Variants in ST18 observed in about 807,000 individuals in gnomAD.
ST18 encodes suppression of tumorigenicity 18 protein.
Under a neutral mutation model 110.0 loss-of-function variants are expected in ST18, and 50 were observed. The ratio of observed to expected loss-of-function variants is 0.45; its 90% CI spans 0.36 to 0.58. The LOEUF is 0.58. ST18 is among the 20% of genes least tolerant of loss of function. ST18 has a pLI of 0.00. For missense variants in ST18, 1,306 were observed against 1,280.1 expected (o/e 1.02, Z -0.31); for synonymous variants, 461 against 452.4 (o/e 1.02, Z -0.24).
In ST18 at chr8:52,247,968, C is replaced by G. The variant is rs181198385; in HGVS notation, c.-464-17891G>C. ...AACAATACTTAGAGTTGGTAATATA[C>G]AACATACATTACATTCTCTACAGAC... On this transcript the variant is annotated intron_variant, in intron 2 of 25. Transcript: ENST00000689386. Among the ~76,000 whole-genome samples the G allele has an allele frequency of 9.2e-5, 14 of 152,140 alleles. 1 individual carries two copies. The East Asian group carries it at 2.7e-3, about 29-fold the overall frequency.
In ST18 at chr8:52,121,183, C is replaced by A. The variant is rs934928343; in HGVS notation, c.2756-2742G>T. On this transcript the variant is annotated intron_variant, in intron 23 of 25. Coordinates refer to ENST00000689386, the MANE Select transcript of ST18 (RefSeq NM_001352837.2). ...TGAGGGCCAATGTTCCTGAAGACACCCCAGCCTCTTAATCAAGATGGGGCT... is the reference window on the plus strand; with the variant it reads ...TGAGGGCCAATGTTCCTGAAGACACACCAGCCTCTTAATCAAGATGGGGCT... Among the ~76,000 whole-genome samples the A allele has an allele frequency of 9.9e-5, 15 of 152,040 alleles. No homozygotes were observed. In the East Asian group the frequency reaches 2.9e-3, roughly 29 times the overall value.
At chr8:52,283,350 G>A (rs16917626) in intron 2 of ST18, among the ~76,000 whole-genome samples, 1,908 of 152,298 alleles carry the variant, frequency 0.013, 29 homozygotes, top group African/African-American at 0.044. Context: ...GTGAGCATTG[G>A]CAGCACAGCG....
chr8:52,208,872 CCTGT>C (rs2081135988), intron 8 of ST18, among the ~76,000 whole-genome samples: 1 of 151,978 alleles, frequency 6.6e-6, no homozygotes, highest in African/African-American at 2.4e-5. Flanking sequence ...TGGGACCTTG[CCTGT>C]CTAAGCATGG....
chr8:52,313,884 G>A (rs2095972234), intron 2 of ST18, among the ~76,000 whole-genome samples: 1 of 152,202 alleles, frequency 6.6e-6, no homozygotes, highest in South Asian at 2.1e-4. Flanking sequence ...GGATCCCAGA[G>A]GTGCTGCTCC....
chr8:52,279,168 A>T (rs1456136021), intron 2 of ST18, among the ~76,000 whole-genome samples: 2 of 152,198 alleles, frequency 1.3e-5, no homozygotes, highest in Non-Finnish European at 2.9e-5. Context: ...AGTTAAAGCA[A>T]TCAATGAACA....
intron 16 of ST18, among the ~76,000 whole-genome samples, chr8:52,148,047 G>A (rs1189543754): frequency 2.0e-5 from 3 of 152,154 alleles, no homozygotes; most frequent in Non-Finnish European, 2.9e-5. Context: ...ATAATTAGGT[G>A]TAACCTCTGT....
intron 15 of ST18, among the ~76,000 whole-genome samples, chr8:52,158,356 T>C (rs372735982): frequency 1.2e-4 from 18 of 152,240 alleles, no homozygotes; most frequent in Non-Finnish European, 2.4e-4. Flanking sequence ...GTTGATTTAA[T>C]GTATTCATGT....
intron 2 of ST18, among the ~76,000 whole-genome samples, chr8:52,292,254 AGT>A (rs1381715049): frequency 6.6e-6 from 1 of 152,230 alleles, no homozygotes; most frequent in Non-Finnish European, 1.5e-5. Flanking sequence ...TTAATAATGC[AGT>A]GTCTCTTCAC....
chr8:52,161,572 G>A lies in ST18; in HGVS notation c.1401-4C>T, dbSNP rs762933354. 3 of 1,614,022 alleles carry A rather than the reference G, an allele frequency of 1.9e-6. No individual in the cohort carries two copies. The highest frequency in any genetic ancestry group is 2.2e-5 in the East Asian group (1 of 44,876). ...AATTTGCTTCACCAAACTTGTCCTG[G>A]AGAGGGGGGTGAAGCAGTTCAAAAG... On this transcript the variant is annotated splice_polypyrimidine_tract_variant and splice_region_variant and intron_variant, in intron 13 of 25. Transcript: ENST00000689386.
chr8:52,241,172 A>G (rs1399148226), intron 2 of ST18, among the ~76,000 whole-genome samples: 2 of 152,088 alleles, frequency 1.3e-5, no homozygotes, highest in African/African-American at 4.8e-5. Context: ...TGCTCCTGTC[A>G]CCTGCATTGG....
chr8:52,295,271 T>A (rs2095614682), intron 2 of ST18, among the ~76,000 whole-genome samples: 1 of 152,252 alleles, frequency 6.6e-6, no homozygotes, highest in South Asian at 2.1e-4. Context: ...TATTTAAAGA[T>A]AGAAGGCTCT....
At position 52,133,318 on chromosome 8, in the gene ST18, G is replaced by A. The variant is rs772952692; in HGVS notation, c.2301-17C>T. 3.7e-6 allele frequency: 6 copies of A among 1,614,000 alleles called. No individual in the cohort carries two copies. The African/African-American group carries it at 4.0e-5, about 11-fold the overall frequency. On this transcript the variant is annotated splice_polypyrimidine_tract_variant and intron_variant, in intron 19 of 25. Coordinates refer to ENST00000689386, the MANE Select transcript of ST18 (RefSeq NM_001352837.2). ...GTTGGACACCTGGAAGGCACAGGAA[G>A]AGAGCATGGGCTGAGAAGTTGTAGT...
intron 8 of ST18, among the ~76,000 whole-genome samples, chr8:52,180,841 G>A (rs180759312): frequency 5.3e-5 from 8 of 152,268 alleles, no homozygotes; most frequent in African/African-American, 1.9e-4. Context: ...TGAACATCCT[G>A]TCTCCCCATC....
At chr8:52,245,030 T>C (rs1363253544) in intron 2 of ST18, among the ~76,000 whole-genome samples, 1 of 152,196 alleles carries the variant, frequency 6.6e-6, no homozygotes, top group Non-Finnish European at 1.5e-5. Flanking sequence ...TTTCATTTAC[T>C]TCATGAATGA....
At chr8:52,236,624 A>C (rs941699570) in intron 2 of ST18, among the ~76,000 whole-genome samples, 10 of 151,944 alleles carry the variant, frequency 6.6e-5, no homozygotes, top group East Asian at 1.9e-4. Flanking sequence ...AAAAAAAAAA[A>C]AAAAAACTAT....
chr8:52,263,675 C>A (rs1465936034), intron 2 of ST18, among the ~76,000 whole-genome samples: 3 of 148,576 alleles, frequency 2.0e-5, no homozygotes, highest in Non-Finnish European at 4.4e-5. Flanking sequence ...GAACTCCTGA[C>A]CTTAGGTGAT....
chr8:52,309,553 G>A (rs1377684764), intron 2 of ST18, among the ~76,000 whole-genome samples: 6 of 143,878 alleles, frequency 4.2e-5, no homozygotes, highest in Admixed American at 1.4e-4. Context: ...AAGAAATCAC[G>A]TGGCTCATGG....
chr8:52,329,583 A>G (rs78687480), intron 2 of ST18, among the ~76,000 whole-genome samples: 24,488 of 151,996 alleles, frequency 0.16, 2,295 homozygotes, highest in African/African-American at 0.27. Context: ...GGCAAAACCC[A>G]GTCTCTACTA....
chr8:52,372,219 T>A (rs1445061708), intron 2 of ST18, among the ~76,000 whole-genome samples: 2 of 152,132 alleles, frequency 1.3e-5, no homozygotes, highest in Non-Finnish European at 2.9e-5. Context: ...GTTTTTAAAA[T>A]TTTTTTAAAA....
Sources: gnomAD v4.1 joint callset for allele counts (sites outside exome capture counted in the v4.1 genomes callset) on GRCh38, gnomAD v4.1.1 for gene constraint, MANE v1.5 for transcripts, NCBI Gene and HGNC (gene_info 2026-07-23, HGNC 2026-07-21) for gene names.